The following CYRIA variants were observed in gnomAD, a reference collection of about 807,000 sequenced individuals.
The protein encoded by CYRIA is CYFIP-related Rac1 interactor A.
A neutral mutation model predicts 43.9 loss-of-function variants in CYRIA; 15 were observed. The ratio of observed to expected loss-of-function variants is 0.34; its 90% CI spans 0.23 to 0.53. The LOEUF is 0.53. CYRIA is among the 20% of genes least tolerant of loss of function. The probability of loss-of-function intolerance (pLI) is 0.94; values close to 1 mark genes in which losing one functional copy is unlikely to be tolerated. For synonymous variants in CYRIA, 117 were observed against 136.0 expected (o/e 0.86, Z 0.97); for missense variants, 236 against 394.2 (o/e 0.60, Z 3.40).
chr2:16,636,829 A>C (rs771060674), intron 1 of CYRIA, among the ~76,000 whole-genome samples: 5 of 152,054 alleles, frequency 3.3e-5, no homozygotes, highest in Non-Finnish European at 7.4e-5. Flanking sequence ...ACAAAACATT[A>C]GCTGGGCATG....
At chr2:16,612,130 A>G (rs1373059367) in intron 2 of CYRIA, among the ~76,000 whole-genome samples, 1 of 152,104 alleles carries the variant, frequency 6.6e-6, no homozygotes, top group Admixed American at 6.5e-5. Context: ...ACTGGAACTT[A>G]CTTGTGATTG....
chr2:16,621,351 G>A (rs188487559), intron 2 of CYRIA, among the ~76,000 whole-genome samples: 190 of 152,204 alleles, frequency 1.2e-3, no homozygotes, highest in African/African-American at 4.3e-3. Context: ...CTACTTTATC[G>A]ATGCAACTTC....
chr2:16,659,711 G>A (rs1008756805), intron 1 of CYRIA, among the ~76,000 whole-genome samples: 1 of 152,212 alleles, frequency 6.6e-6, no homozygotes, highest in African/African-American at 2.4e-5. Context: ...GAAGAGTGTT[G>A]GGATAAGAGC....
At chr2:16,600,516 G>A (rs1310868327) in intron 2 of CYRIA, among the ~76,000 whole-genome samples, 1 of 152,092 alleles carries the variant, frequency 6.6e-6, no homozygotes, top group East Asian at 1.9e-4. Flanking sequence ...TCCGCATTCA[G>A]GTGATGCACA....
intron 1 of CYRIA, among the ~76,000 whole-genome samples, chr2:16,644,600 G>T (rs1669766982): frequency 6.6e-6 from 1 of 152,188 alleles, no homozygotes; most frequent in South Asian, 2.1e-4. Flanking sequence ...CTAGATGTTT[G>T]CAAAGACACT....
chr2:16,563,438 C>T (rs917295805), intron 5 of CYRIA, among the ~76,000 whole-genome samples: 3 of 152,168 alleles, frequency 2.0e-5, no homozygotes, highest in African/African-American at 4.8e-5. Flanking sequence ...ACTGTATTAA[C>T]CAATGAAGCA....
chr2:16,636,959 G>T (rs543339722), intron 1 of CYRIA, among the ~76,000 whole-genome samples: 115 of 152,240 alleles, frequency 7.6e-4, no homozygotes, highest in African/African-American at 2.5e-3. Context: ...CTGGGTGACA[G>T]AGCAAGACCC....
chr2:16,604,771 C>A (rs1464089507), intron 2 of CYRIA, among the ~76,000 whole-genome samples: 1 of 152,216 alleles, frequency 6.6e-6, no homozygotes, highest in African/African-American at 2.4e-5. Flanking sequence ...GATGGCGGGG[C>A]TGGGCTTGCA....
chr2:16,557,770 G>T (rs759377354), intron 10 of CYRIA, among the ~76,000 whole-genome samples: 1 of 152,076 alleles, frequency 6.6e-6, no homozygotes, highest in African/African-American at 2.4e-5. Context: ...GCTTTTTAAA[G>T]ATTAGGGCTA....
At position 16,588,064 on chromosome 2, in the gene CYRIA, A is replaced by G. The variant is rs1436176579; in HGVS notation, c.56T>C (p.Phe19Ser). 6.2e-7 allele frequency: 1 copy of G among 1,606,174 alleles called. No individual in the cohort carries two copies. ...TTGGAACTTACTTTCAAAATCCAGG[A>G]AAAAGTGTGGATAGTTTTCAATTTC... is the stretch of plus-strand genomic sequence containing the variant. ...TREIENYPHF[F>S]LDFENAQPTE... The change falls in exon 3 of 12, where the codon TTC becomes TCC. Residue 19 changes from phenylalanine (F) to serine (S), a missense_variant. This residue lies in a region of CYRIA where 193 missense variants were observed against 303.9 expected (regional missense o/e 0.64). Transcript: ENST00000381323.
chr2:16,654,275 A>G (rs1177228927), intron 1 of CYRIA, among the ~76,000 whole-genome samples: 1 of 152,206 alleles, frequency 6.6e-6, no homozygotes, highest in East Asian at 1.9e-4. Context: ...CTTCCATCGA[A>G]TGACACATCT....
At chr2:16,618,802 T>A (rs1376147809) in intron 2 of CYRIA, among the ~76,000 whole-genome samples, 2 of 152,184 alleles carry the variant, frequency 1.3e-5, no homozygotes, top group Non-Finnish European at 2.9e-5. Flanking sequence ...GGGAAAGATG[T>A]AGCTTTCCGA....
At chr2:16,617,536 G>A (rs1668845234) in intron 2 of CYRIA, among the ~76,000 whole-genome samples, 1 of 152,248 alleles carries the variant, frequency 6.6e-6, no homozygotes, top group African/African-American at 2.4e-5. Context: ...GAACATTGTA[G>A]CTGTGCCAGA....
At position 16,650,838 on chromosome 2, in the gene CYRIA, C is replaced by T. The variant is rs1042694629; in HGVS notation, c.-167+14942G>A. 1.1e-4 allele frequency among the ~76,000 whole-genome samples: 17 copies of T among 152,226 alleles called. No homozygotes were observed. The highest frequency in any genetic ancestry group is 4.1e-4 in the African/African-American group (17 of 41,460). On this transcript the variant is annotated intron_variant, in intron 1 of 11. Coordinates refer to ENST00000381323, the MANE Select transcript of CYRIA (RefSeq NM_030797.4). The surrounding 1 kb of genome is among the most constrained non-coding windows in gnomAD (Gnocchi z 4.1). ...GGAAGGTAGCAATTCAGGACAGAGG[C>T]TCACAGGCTTTGACATGAGTGACTA...
In CYRIA at chr2:16,550,990, T is replaced by G. The variant is rs973303793; in HGVS notation, c.*1946A>C. 1.3e-5 allele frequency: 2 copies of G among 152,166 alleles called. No homozygotes were observed. The highest frequency in any genetic ancestry group is 2.9e-5 in the Non-Finnish European group (2 of 68,002). The allele number at this position is 152,166 out of a possible 1,614,324, so 9.4% of individuals were successfully genotyped here. On this transcript the variant is annotated 3_prime_UTR_variant, in exon 12 of 12. Transcript: ENST00000381323. ...TTCTGGCTTCCTCTAAGGTTTAGAA[T>G]CTGTAGGTTCAAAAAGGTCTTGAAG... is the stretch of plus-strand genomic sequence containing the variant.
chr2:16,588,444 A>G (rs1057420683), intron 2 of CYRIA, among the ~76,000 whole-genome samples: 1 of 151,518 alleles, frequency 6.6e-6, no homozygotes, highest in African/African-American at 2.4e-5. Flanking sequence ...AAAAAAAAAC[A>G]TAAAGAACAG....
intron 10 of CYRIA, 75 bp downstream of exon 10, chr2:16,559,385 C>G (rs149915679): frequency 6.5e-7 from 1 of 1,536,412 alleles, no homozygotes; most frequent in East Asian, 2.3e-5. Flanking sequence ...TCCTGAGGTG[C>G]CTGAGGAAGA....
chr2:16,619,319 G>C (rs1027473092), intron 2 of CYRIA, among the ~76,000 whole-genome samples: 5 of 151,848 alleles, frequency 3.3e-5, no homozygotes, highest in South Asian at 2.1e-4. Context: ...ATACACACAC[G>C]TAGGTACATG....
chr2:16,640,730 G>A (rs143784729), intron 1 of CYRIA, among the ~76,000 whole-genome samples: 102 of 152,330 alleles, frequency 6.7e-4, no homozygotes, highest in African/African-American at 2.2e-3. Flanking sequence ...ACCTGGATGC[G>A]TCAGCTCTCA....
Sources: gnomAD v4.1 joint callset for allele counts (sites outside exome capture counted in the v4.1 genomes callset) on GRCh38, gnomAD v4.1.1 for gene constraint, gnomAD v4.1.1 regional missense constraint, Gnocchi (gnomAD v3.1) non-coding constraint, MANE v1.5 for transcripts, NCBI Gene and HGNC (gene_info 2026-07-23, HGNC 2026-07-21) for gene names.